The following HIVEP2 variants were observed in gnomAD, a reference collection of about 807,000 sequenced individuals.
HIVEP2 encodes HIVEP zinc finger 2.
In HIVEP2, 14 loss-of-function variants were observed where a neutral mutation model predicts 180.7. The ratio of observed to expected loss-of-function variants is 0.08; its 90% confidence interval spans 0.05 to 0.12. HIVEP2 has a LOEUF of 0.12. Ranked by LOEUF, HIVEP2 falls within the 10% of genes least tolerant of loss-of-function variation. HIVEP2 has a pLI of 1.00. For missense variants in HIVEP2, 2,579 were observed against 3,008.5 expected, an observed-to-expected ratio of 0.86 and a Z score of 3.34; for synonymous variants, 1,184 against 1,136.4, an observed-to-expected ratio of 1.04 and a Z score of -0.84.
Position 142,753,091 on chromosome 6 carries a change from C to G in HIVEP2, c.*16G>C. ...AATGGGAAAATGTGGAAATGAAAGTCTCCATGCATCATAGATCAATGTAGC... is the reference window on the plus strand; with the variant it reads ...AATGGGAAAATGTGGAAATGAAAGTGTCCATGCATCATAGATCAATGTAGC... On this transcript the variant is annotated 3_prime_UTR_variant, in exon 10 of 10. Transcript: ENST00000367603. The G allele has an allele frequency of 7.0e-7, 1 of 1,437,968 alleles. No individual in the cohort carries two copies. Among genetic ancestry groups the G allele is most frequent in the African/African-American group, 1.4e-5 (1 of 71,470 alleles). 89.1% of individuals were successfully genotyped at this position (1,437,968 alleles called of 1,614,324 possible).
intron 1 of HIVEP2, among the ~76,000 whole-genome samples, chr6:142,872,436 C>T (rs778896452): frequency 1.3e-5 from 2 of 152,112 alleles, no homozygotes; most frequent in Non-Finnish European, 2.9e-5. Context: ...CAAAATGGAC[C>T]GTGATTTCAT....
At position 142,760,633 on chromosome 6, in the gene HIVEP2, C is replaced by T. The variant is rs766752134; in HGVS notation, c.5655G>A (p.Lys1885=). The change falls in exon 9 of 10, where the codon AAG becomes AAA. Residue 1885 remains lysine, a synonymous_variant. Coordinates refer to ENST00000367603, the MANE Select transcript of HIVEP2 (RefSeq NM_006734.4). ...NLEDLHKAAE[K]HSMSSISTDH... ...CAGTTGAAATGCTGGACATGCTATG[C>T]TTCTCTGCTGCTTTGTGCAAATCTT... 1.2e-5 allele frequency: 20 copies of T among 1,612,032 alleles called. 1 individual carries two copies. The South Asian group carries it at 2.2e-4, about 18-fold the overall frequency.
At chr6:142,754,310 A>C (rs1775006974) in intron 9 of HIVEP2, among the ~76,000 whole-genome samples, 1 of 110,492 alleles carries the variant, frequency 9.1e-6, no homozygotes, top group African/African-American at 3.4e-5. Context: ...ACTAATAAAC[A>C]TTAATAATAT....
intron 3 of HIVEP2, among the ~76,000 whole-genome samples, chr6:142,781,190 T>G (rs1315500386): frequency 6.6e-6 from 1 of 152,222 alleles, no homozygotes; most frequent in African/African-American, 2.4e-5. Flanking sequence ...AGTCAATTCA[T>G]TTTTCAGATT....
chr6:142,849,622 C>G (rs1775599229), intron 1 of HIVEP2, among the ~76,000 whole-genome samples: 1 of 152,044 alleles, frequency 6.6e-6, no homozygotes, highest in Admixed American at 6.5e-5. Flanking sequence ...TTAAGCCATC[C>G]TCCCACCTCA....
chr6:142,907,297 CA>C (rs1777288747), intron 1 of HIVEP2, among the ~76,000 whole-genome samples: 1 of 152,150 alleles, frequency 6.6e-6, no homozygotes, highest in Admixed American at 6.5e-5. Context: ...TCTCAACTTA[CA>C]ACCACCTGAC....
intron 2 of HIVEP2, among the ~76,000 whole-genome samples, chr6:142,820,089 A>T (rs1776986039): frequency 6.6e-6 from 1 of 152,162 alleles, no homozygotes; most frequent in Admixed American, 6.5e-5. Flanking sequence ...AACATACATC[A>T]TACCACTTCC....
chr6:142,886,938 A>G (rs888071750), intron 1 of HIVEP2, among the ~76,000 whole-genome samples: 2 of 152,172 alleles, frequency 1.3e-5, no homozygotes, highest in African/African-American at 4.8e-5. Context: ...GGTGCAACAT[A>G]TTTTTAGTAC....
chr6:142,806,146 T>G (rs1168704709), intron 2 of HIVEP2, among the ~76,000 whole-genome samples: 1 of 152,312 alleles, frequency 6.6e-6, no homozygotes, highest in African/African-American at 2.4e-5. Flanking sequence ...CTTAGTCTTA[T>G]TCACTGTCAG....
chr6:142,793,673 T>TTCTTTCTTTCTTTCTCTCTC (rs1289211652), intron 2 of HIVEP2, among the ~76,000 whole-genome samples: 13 of 107,514 alleles, frequency 1.2e-4, no homozygotes, highest in African/African-American at 4.8e-4. Context: ...CTTTCTTTCT[T>TTCTTTCTTTCTTTCTCTCTC]TCTCTCTCTC....
At chr6:142,856,184 A>T (rs1470019299) in intron 1 of HIVEP2, among the ~76,000 whole-genome samples, 4 of 151,746 alleles carry the variant, frequency 2.6e-5, no homozygotes, top group Non-Finnish European at 5.9e-5. Flanking sequence ...CTTTTCACTA[A>T]AAAACAGACA....
intron 1 of HIVEP2, among the ~76,000 whole-genome samples, chr6:142,907,662 C>T (rs1777301069): frequency 2.0e-5 from 3 of 152,182 alleles, no homozygotes; most frequent in Admixed American, 2.0e-4. Flanking sequence ...GGAGCTGGAG[C>T]TCAAGAAGGG....
chr6:142,774,365 A>T lies in HIVEP2; in HGVS notation c.374T>A (p.Leu125His), dbSNP rs1378554445. The change falls in exon 5 of 10, where the codon CTT becomes CAT. Residue 125 changes from leucine (L) to histidine (H), a missense_variant. Leu to His is a moderately conservative substitution (Grantham distance 99). This residue lies in a region of HIVEP2 where 207 missense variants were observed against 210.1 expected (regional missense o/e 0.99). Coordinates refer to ENST00000367603, the MANE Select transcript of HIVEP2 (RefSeq NM_006734.4). The surrounding 1 kb of genome is among the most constrained non-coding windows in gnomAD (Gnocchi z 5.1). Reference protein sequence around the residue: ...PHQSLEGPPWLFPGPLPSVAS... With the variant: ...PHQSLEGPPWHFPGPLPSVAS... ...AACGGATGGCAAAGGGCCAGGGAAA[A>T]GCCACGGAGGACCTTCGAGGCTCTG... is the stretch of plus-strand genomic sequence containing the variant. The T allele has an allele frequency of 6.2e-7, 1 of 1,614,238 alleles. No homozygotes were observed. Among genetic ancestry groups the T allele is most frequent in the East Asian group, 2.2e-5 (1 of 44,878 alleles).
At chr6:142,844,217 A>G (rs538494279) in intron 1 of HIVEP2, among the ~76,000 whole-genome samples, 29 of 152,298 alleles carry the variant, frequency 1.9e-4, no homozygotes, top group Non-Finnish European at 3.2e-4. Context: ...TACGTTGGGT[A>G]TTGCACAATG....
chr6:142,910,878 C>T (rs995830511), intron 1 of HIVEP2, among the ~76,000 whole-genome samples: 4 of 152,152 alleles, frequency 2.6e-5, no homozygotes, highest in South Asian at 2.1e-4. Context: ...AATTTTTTAA[C>T]GCTCCTTGAA....
At chr6:142,890,633 C>A (rs756727998) in intron 1 of HIVEP2, among the ~76,000 whole-genome samples, 2 of 152,180 alleles carry the variant, frequency 1.3e-5, no homozygotes, top group East Asian at 1.9e-4. Context: ...GGAAAAATCA[C>A]CTGACCTCCT....
chr6:142,791,502 A>G (rs1191221572), intron 2 of HIVEP2, among the ~76,000 whole-genome samples: 1 of 152,164 alleles, frequency 6.6e-6, no homozygotes, highest in Non-Finnish European at 1.5e-5. Flanking sequence ...ATTGCCTACA[A>G]AGTTTAAGGC....
chr6:142,922,149 T>C (rs1414692017), intron 1 of HIVEP2, among the ~76,000 whole-genome samples: 1 of 152,188 alleles, frequency 6.6e-6, no homozygotes, highest in Non-Finnish European at 1.5e-5. Flanking sequence ...TCAGCCATAC[T>C]AAGCTCTTTA....
chr6:142,899,262 C>T (rs925300404), intron 1 of HIVEP2, among the ~76,000 whole-genome samples: 1 of 152,188 alleles, frequency 6.6e-6, no homozygotes, highest in Non-Finnish European at 1.5e-5. Context: ...TGCCCTTTCC[C>T]ATGCTGTCAA....
Sources: gnomAD v4.1 joint callset for allele counts (sites outside exome capture counted in the v4.1 genomes callset) on GRCh38, gnomAD v4.1.1 for gene constraint, gnomAD v4.1.1 regional missense constraint, Gnocchi (gnomAD v3.1) non-coding constraint, MANE v1.5 for transcripts, NCBI Gene and HGNC (gene_info 2026-07-23, HGNC 2026-07-21) for gene names.